KAZN: variants seen among roughly 807,000 people sequenced by gnomAD.
KAZN encodes kazrin.
A neutral mutation model predicts 87.4 loss-of-function variants in KAZN; 40 were observed. The ratio of observed to expected loss-of-function variants is 0.46; its 90% CI spans 0.36 to 0.60. The LOEUF (loss-of-function observed/expected upper bound fraction) is 0.60. KAZN is among the 20% of genes least tolerant of loss of function. KAZN has a pLI of 0.00. For synonymous variants in KAZN, 466 were observed against 458.3 expected (o/e 1.02, Z -0.22); for missense variants, 898 against 1,073.9 (o/e 0.84, Z 2.29).
chr1:14,308,393 G>A (rs766817239), intron 2 of KAZN, among the ~76,000 whole-genome samples: 7 of 152,136 alleles, frequency 4.6e-5, no homozygotes, highest in Non-Finnish European at 8.8e-5. Context: ...ACTTAATTGG[G>A]TCAGGAAAAC....
intron 10 of KAZN, among the ~76,000 whole-genome samples, chr1:15,097,262 G>A (rs1003907615): frequency 2.6e-5 from 4 of 152,012 alleles, no homozygotes; most frequent in African/African-American, 7.3e-5. Context: ...TTGGTGGGTG[G>A]GACTCTCTGG....
intron 1 of KAZN, among the ~76,000 whole-genome samples, chr1:14,031,233 TCA>T (rs1641314949): frequency 6.6e-6 from 1 of 152,230 alleles, no homozygotes; most frequent in Non-Finnish European, 1.5e-5. Context: ...CATGTGAATA[TCA>T]ACAATTCAGA....
intron 2 of KAZN, among the ~76,000 whole-genome samples, chr1:15,012,847 G>A (rs570003693): frequency 2.1e-4 from 32 of 152,184 alleles, no homozygotes; most frequent in South Asian, 8.3e-4. Context: ...ACTTGAACTG[G>A]GGAGGCAGAG....
At chr1:13,945,527 A>G (rs1036743866) in intron 1 of KAZN, among the ~76,000 whole-genome samples, 1 of 152,034 alleles carries the variant, frequency 6.6e-6, no homozygotes, top group Non-Finnish European at 1.5e-5. Flanking sequence ...CCATCTCAAA[A>G]AAAAAAAAGT....
chr1:14,753,447 T>C (rs1300867597), intron 1 of KAZN, among the ~76,000 whole-genome samples: 5 of 152,060 alleles, frequency 3.3e-5, no homozygotes, highest in Non-Finnish European at 7.4e-5. Context: ...TGAGAGAGGC[T>C]GGGTGCATTG....
chr1:14,731,548 C>G (rs901009960), intron 1 of KAZN, among the ~76,000 whole-genome samples: 3 of 152,224 alleles, frequency 2.0e-5, no homozygotes, highest in Admixed American at 6.5e-5. Context: ...GGCACTGAGC[C>G]TTCTCCATCT....
intron 1 of KAZN, among the ~76,000 whole-genome samples, chr1:14,115,785 A>C (rs966959910): frequency 2.0e-5 from 3 of 152,186 alleles, no homozygotes; most frequent in African/African-American, 7.2e-5. Context: ...AACTTCCTAG[A>C]GACTTGTTGA....
At chr1:14,722,617 G>A (rs921812873) in intron 1 of KAZN, among the ~76,000 whole-genome samples, 7 of 152,120 alleles carry the variant, frequency 4.6e-5, no homozygotes, top group Non-Finnish European at 1.0e-4. Context: ...ACTTTACTTT[G>A]TCTATTACTT....
chr1:14,257,100 T>C (rs1370943893), intron 2 of KAZN, among the ~76,000 whole-genome samples: 1 of 152,216 alleles, frequency 6.6e-6, no homozygotes, highest in Non-Finnish European at 1.5e-5. Flanking sequence ...AATTTATCCT[T>C]ATTTTTGCCT....
intron 1 of KAZN, among the ~76,000 whole-genome samples, chr1:14,167,447 G>A (rs918588618): frequency 6.6e-6 from 1 of 152,192 alleles, no homozygotes; most frequent in African/African-American, 2.4e-5. Context: ...TGGAGGCAGG[G>A]CATGGTGGCT....
intron 1 of KAZN, among the ~76,000 whole-genome samples, chr1:13,920,114 G>A (rs549138956): frequency 6.6e-6 from 1 of 152,106 alleles, no homozygotes; most frequent in Non-Finnish European, 1.5e-5. Context: ...GTTGGGGCTG[G>A]TGGCATGCGA....
chr1:14,472,612 G>A (rs1479259073), intron 2 of KAZN, among the ~76,000 whole-genome samples: 2 of 151,390 alleles, frequency 1.3e-5, no homozygotes, highest in Non-Finnish European at 2.9e-5. Flanking sequence ...GAATATTAAT[G>A]AGCATCAGTA....
intron 2 of KAZN, among the ~76,000 whole-genome samples, chr1:14,412,994 A>T (rs1369153203): frequency 1.3e-5 from 2 of 148,248 alleles, no homozygotes; most frequent in Non-Finnish European, 3.0e-5. Context: ...ATAAAAACAC[A>T]TATATAAATA....
At chr1:14,812,562 G>C (rs1646445993) in intron 1 of KAZN, among the ~76,000 whole-genome samples, 1 of 152,204 alleles carries the variant, frequency 6.6e-6, no homozygotes, top group South Asian at 2.1e-4. Flanking sequence ...CATCCAGGCT[G>C]GAATGCAGTG....
intron 2 of KAZN, among the ~76,000 whole-genome samples, chr1:14,468,873 C>T (rs561940112): frequency 5.3e-5 from 8 of 152,290 alleles, no homozygotes; most frequent in African/African-American, 1.9e-4. Context: ...TCATGATTCT[C>T]GCTTTCATTT....
chr1:14,365,597 G>C (rs902168533), intron 2 of KAZN, among the ~76,000 whole-genome samples: 1 of 152,150 alleles, frequency 6.6e-6, no homozygotes, highest in African/African-American at 2.4e-5. Flanking sequence ...TTTGTGGCAG[G>C]TAATTCCTTG....
At chr1:14,227,311 G>A (rs937972952) in intron 2 of KAZN, among the ~76,000 whole-genome samples, 4 of 152,118 alleles carry the variant, frequency 2.6e-5, no homozygotes, top group African/African-American at 7.2e-5. Context: ...AATTCAGAAG[G>A]AGCACAGTGA....
In KAZN at chr1:14,773,064, A is replaced by G. The variant is rs1272251812; in HGVS notation, c.226+173841A>G. ...GGGGGTCTCAGGAAATGGGCATTTG[A>G]GGGTCAGGTGGGTGACCCTAGTCCC... On this transcript the variant is annotated intron_variant, in intron 1 of 14. Coordinates refer to ENST00000376030, the MANE Select transcript of KAZN (RefSeq NM_201628.3). This position sits in a 1 kb window ranked among gnomAD's most constrained non-coding sequence, Gnocchi z 5.9. Among the ~76,000 whole-genome samples the G allele has an allele frequency of 6.6e-6, 1 of 152,064 alleles. No individual in the cohort carries two copies. Among genetic ancestry groups the G allele is most frequent in the Non-Finnish European group, 1.5e-5 (1 of 68,004 alleles).
chr1:14,902,148 G>A (rs1381074018), intron 1 of KAZN, among the ~76,000 whole-genome samples: 1 of 152,154 alleles, frequency 6.6e-6, no homozygotes, highest in Non-Finnish European at 1.5e-5. Context: ...CAAGGGTGCT[G>A]GGAGCAGATG....
Sources: allele counts gnomAD v4.1 joint callset (sites outside exome capture counted in the v4.1 genomes callset), GRCh38; gene constraint gnomAD v4.1.1; non-coding constraint Gnocchi (gnomAD v3.1); transcripts MANE v1.5; gene names NCBI Gene and HGNC (gene_info 2026-07-23, HGNC 2026-07-21).